ASAP3: variants seen among roughly 807,000 people sequenced by gnomAD.
ASAP3 encodes arf-GAP with SH3 domain, ANK repeat and PH domain-containing protein 3.
ASAP3 carries 85 observed loss-of-function variants against 118.2 expected under a neutral mutation model. That is an observed-to-expected ratio of 0.72 (90% CI 0.60 to 0.86). The LOEUF (loss-of-function observed/expected upper bound fraction) is 0.86, where lower values mean the gene tolerates loss of function less well. Ranked by LOEUF, ASAP3 falls within the 40% of genes least tolerant of loss-of-function variation. ASAP3 has a pLI of 0.00. For missense variants in ASAP3, 1,026 were observed against 1,175.0 expected (o/e 0.87, Z 1.85); for synonymous variants, 432 against 477.4 (o/e 0.90, Z 1.24).
At chr1:23,433,313 C>T (rs1640512177) in intron 21 of ASAP3, 41 bp from the exon 22 acceptor site, 1 of 1,606,036 alleles carries the variant, frequency 6.2e-7, no homozygotes, top group South Asian at 1.1e-5. Flanking sequence ...AGCCTGGTTC[C>T]TCCGGTGTAG....
chr1:23,440,301 A>T (rs936697496), intron 10 of ASAP3, among the ~76,000 whole-genome samples: 3 of 147,694 alleles, frequency 2.0e-5, no homozygotes, highest in African/African-American at 7.4e-5. Context: ...GAAGATTGAG[A>T]CCATCCTGGC....
intron 1 of ASAP3, among the ~76,000 whole-genome samples, chr1:23,465,757 C>A (rs1301216328): frequency 6.6e-6 from 1 of 152,118 alleles, no homozygotes; most frequent in Non-Finnish European, 1.5e-5. Context: ...CCACCTCGGC[C>A]TCCCAAAGTG....
chr1:23,456,061 C>G (rs1378081209), intron 2 of ASAP3, 35 bp from the exon 3 acceptor site: 3 of 1,613,876 alleles, frequency 1.9e-6, no homozygotes, highest in Admixed American at 3.3e-5. Context: ...GGAGTTAGCT[C>G]CAGGCTGGGG....
rs540952085 is a variant in ASAP3 at position 23,477,501 on chromosome 1, G to A, written c.129+6504C>T. Among the ~76,000 whole-genome samples, 9 of 152,100 alleles carry A rather than the reference G, an allele frequency of 5.9e-5. No individual in the cohort carries two copies. The South Asian group carries it at 6.2e-4, about 11-fold the overall frequency. On this transcript the variant is annotated intron_variant, in intron 1 of 24. Coordinates refer to ENST00000336689, the MANE Select transcript of ASAP3 (RefSeq NM_017707.4). The stretch of plus-strand genomic sequence containing the variant: ...GGAGCCTGAGGGAAGTTAGGAGTGT[G>A]GTCAAGTATGCACTGGGACATGAGG...
chr1:23,445,882 T>G (rs966376349), intron 5 of ASAP3, among the ~76,000 whole-genome samples: 1 of 151,624 alleles, frequency 6.6e-6, no homozygotes, highest in Non-Finnish European at 1.5e-5. Flanking sequence ...CATGGGAGGC[T>G]GAGGTAGGAG....
In ASAP3 at chr1:23,433,491, A is replaced by G. The variant is rs1413973552; in HGVS notation, c.2061T>C (p.His687=). Residue 687 remains histidine, a synonymous_variant, in exon 21 of 25, where the codon CAT becomes CAC. Coordinates refer to ENST00000336689, the MANE Select transcript of ASAP3 (RefSeq NM_017707.4). ...TGGAAATTACCCAGGAGTAGTCCACATGTAGAGGGAAGGCAAAGGTCCCCG... is the reference window on the plus strand; with the variant it reads ...TGGAAATTACCCAGGAGTAGTCCACGTGTAGAGGGAAGGCAAAGGTCCCCG... ...AQAGTFAFPL[H]VDYSWVISTE... is the part of the protein sequence containing the mutation. The G allele has an allele frequency of 5.6e-6, 9 of 1,614,180 alleles. No individual in the cohort carries two copies. The South Asian group carries it at 8.8e-5, about 16-fold the overall frequency.
intron 1 of ASAP3, among the ~76,000 whole-genome samples, chr1:23,465,582 A>T (rs538438801): frequency 2.7e-5 from 4 of 149,624 alleles, no homozygotes; most frequent in Non-Finnish European, 5.9e-5. Flanking sequence ...GCTCACTGCC[A>T]CCTCTGCCTC....
Position 23,441,647 on chromosome 1 carries a change from C to G in ASAP3, c.747+8G>C, listed in dbSNP as rs1558128206. 6.2e-7 allele frequency: 1 copy of G among 1,614,138 alleles called. No individual in the cohort carries two copies. The highest frequency in any genetic ancestry group is 2.2e-5 in the East Asian group (1 of 44,888). On this transcript the variant is annotated splice_region_variant and intron_variant, in intron 8 of 24. Coordinates refer to ENST00000336689, the MANE Select transcript of ASAP3 (RefSeq NM_017707.4). The stretch of plus-strand genomic sequence containing the variant: ...TGATCACGTGCCCAAGGGTGAGACC[C>G]AACTTACTGCATGTACTGAGGCCGC...
At chr1:23,474,795 CTGGTCTCA>C (rs1185138235) in intron 1 of ASAP3, among the ~76,000 whole-genome samples, 1 of 152,120 alleles carries the variant, frequency 6.6e-6, no homozygotes, top group East Asian at 1.9e-4. Flanking sequence ...GTTGGCCAGG[CTGGTCTCA>C]AACTCCTGAC....
At position 23,436,353 on chromosome 1, in the gene ASAP3, G is replaced by C. The variant is rs1640653174; in HGVS notation, c.1571+207C>G. 6.6e-6 allele frequency among the ~76,000 whole-genome samples: 1 copy of C among 152,182 alleles called. No individual in the cohort carries two copies. Among genetic ancestry groups the C allele is most frequent in the Non-Finnish European group, 1.5e-5 (1 of 68,030 alleles). On this transcript the variant is annotated intron_variant, in intron 16 of 24. Transcript: ENST00000336689. The surrounding 1 kb of genome is among the most constrained non-coding windows in gnomAD (Gnocchi z 4.2). ...AATTCTTGTATTTTGAGTACAGGCG[G>C]GGTTTTGCCATCTTAGCCGGGCTGG...
chr1:23,436,814 G>C lies in ASAP3; in HGVS notation c.1476+97C>G. ...TACCTGGCTTGTCCCAGCCCACCTC[G>C]GCCAGGTCCCACCCACAACCTGCAA... On this transcript the variant is annotated intron_variant, in intron 15 of 24. Transcript: ENST00000336689. This position sits in a 1 kb window ranked among gnomAD's most constrained non-coding sequence, Gnocchi z 4.2. The C allele has an allele frequency of 1.3e-6, 2 of 1,512,938 alleles. No individual in the cohort carries two copies. The highest frequency in any genetic ancestry group is 8.9e-7 in the Non-Finnish European group (1 of 1,128,070). 93.7% of individuals were successfully genotyped at this position (1,512,938 alleles called of 1,614,324 possible).
intron 1 of ASAP3, among the ~76,000 whole-genome samples, chr1:23,481,717 C>A (rs1450183425): frequency 3.3e-5 from 5 of 152,194 alleles, no homozygotes; most frequent in Non-Finnish European, 7.3e-5. Flanking sequence ...GGGTCCCTCC[C>A]CCAACACACA....
At chr1:23,477,179 G>A (rs1056147778) in intron 1 of ASAP3, among the ~76,000 whole-genome samples, 26 of 151,624 alleles carry the variant, frequency 1.7e-4, no homozygotes, top group African/African-American at 6.3e-4. Context: ...ACCATACCCA[G>A]CTAATTTTTG....
At chr1:23,482,894 T>C (rs556291716) in intron 1 of ASAP3, among the ~76,000 whole-genome samples, 1 of 151,322 alleles carries the variant, frequency 6.6e-6, no homozygotes, top group South Asian at 2.1e-4. Flanking sequence ...GGAGTTTGCA[T>C]TGAGCCAAGA....
At chr1:23,481,632 G>C (rs1262867050) in intron 1 of ASAP3, among the ~76,000 whole-genome samples, 2 of 152,146 alleles carry the variant, frequency 1.3e-5, no homozygotes, top group Non-Finnish European at 2.9e-5. Flanking sequence ...AAAGGAGGAT[G>C]GGTTTTGTCT....
At chr1:23,468,090 A>C (rs1330912873) in intron 1 of ASAP3, among the ~76,000 whole-genome samples, 1 of 152,140 alleles carries the variant, frequency 6.6e-6, no homozygotes. Context: ...TTTTGTTCCC[A>C]TCTGGCTGAT....
At chr1:23,474,859 G>A (rs1035664149) in intron 1 of ASAP3, among the ~76,000 whole-genome samples, 5 of 152,094 alleles carry the variant, frequency 3.3e-5, no homozygotes, top group Non-Finnish European at 5.9e-5. Flanking sequence ...CTGGGATTAC[G>A]GGTGTGGGCC....
In ASAP3 at chr1:23,445,509, T is replaced by G. The variant is rs115949791; in HGVS notation, c.474-2897A>C. ...CTGTCTCTCCAAAAAAAAAAAGGAA[T>G]GAGGGAGACCAAGTGACATCAGGTG... is the stretch of plus-strand genomic sequence containing the variant. On this transcript the variant is annotated intron_variant, in intron 5 of 24. Coordinates refer to ENST00000336689, the MANE Select transcript of ASAP3 (RefSeq NM_017707.4). Among the ~76,000 whole-genome samples, 523 of 148,362 alleles carry G rather than the reference T, an allele frequency of 3.5e-3. 3 individuals carry two copies. Among genetic ancestry groups the G allele is most frequent in the African/African-American group, 0.012 (491 of 40,592 alleles).
At chr1:23,449,291 G>T (rs61778878) in intron 5 of ASAP3, among the ~76,000 whole-genome samples, 14,530 of 152,118 alleles carry the variant, frequency 0.096, 846 homozygotes, top group Non-Finnish European at 0.13. Context: ...CTTATTCATC[G>T]CCGCATTGAC....
Sources: allele counts gnomAD v4.1 joint callset (sites outside exome capture counted in the v4.1 genomes callset), GRCh38; gene constraint gnomAD v4.1.1; non-coding constraint Gnocchi (gnomAD v3.1); transcripts MANE v1.5; gene names NCBI Gene and HGNC (gene_info 2026-07-23, HGNC 2026-07-21).